EXOC1: variants seen among roughly 807,000 people sequenced by gnomAD.
EXOC1 encodes the protein SEC3-like 1.
EXOC1 carries 67 observed loss-of-function variants against 107.7 expected under a neutral mutation model. That is an observed-to-expected ratio of 0.62 (90% confidence interval 0.51 to 0.76). The LOEUF (loss-of-function observed/expected upper bound fraction) is 0.76, where lower values mean the gene tolerates loss of function less well. Among genes scored for constraint, EXOC1 ranks in the 30% least tolerant of loss-of-function variants. The pLI is 0.00. For synonymous variants in EXOC1, 348 were observed against 353.5 expected (o/e 0.98, Z 0.17); for missense variants, 833 against 1,055.7 (o/e 0.79, Z 2.92).
chr4:55,885,555 A>G (rs533550753), intron 10 of EXOC1: 3 of 152,300 alleles, frequency 2.0e-5, no homozygotes, highest in Non-Finnish European at 4.4e-5. Flanking sequence ...ATAGCAAGGA[A>G]TAGGAGAGTT....
rs771473504 is a variant in EXOC1, at chr4:55,893,590, G to A, written c.1763G>A (p.Arg588His). The A allele has an allele frequency of 5.0e-6, 8 of 1,613,672 alleles. No homozygotes were observed. The highest frequency in any genetic ancestry group is 2.2e-5 in the South Asian group (2 of 91,060). ...CGCCAAATGATGATTAAAATATTTC[G>A]CTGCATTGAGCCAGAGCTGAACAAC... ...MIRQMMIKIF[R>H]CIEPELNNLI... The change falls in exon 15 of 19, where the codon CGC becomes CAC. Residue 588 changes from arginine (R) to histidine (H), a missense_variant. Around this residue, in one of 2 missense-constraint regions of EXOC1, gnomAD observed 617 missense variants for 701.3 expected, o/e 0.88. Coordinates refer to ENST00000381295, the MANE Select transcript of EXOC1 (RefSeq NM_001024924.2).
chr4:55,894,291 C>G (rs535531177), intron 15 of EXOC1, among the ~76,000 whole-genome samples: 1 of 149,592 alleles, frequency 6.7e-6, no homozygotes, highest in East Asian at 2.0e-4. Context: ...CACCAGTGCT[C>G]TCCAGCCTGG....
chr4:55,881,149 C>T (rs1229257732), intron 9 of EXOC1, among the ~76,000 whole-genome samples: 1 of 152,104 alleles, frequency 6.6e-6, no homozygotes, highest in Non-Finnish European at 1.5e-5. Flanking sequence ...TAAGCAAAGC[C>T]CCATTTTTTG....
chr4:55,890,043 C>T (rs1037959793), intron 11 of EXOC1, among the ~76,000 whole-genome samples, 180 bp from the exon 12 acceptor site: 1 of 152,080 alleles, frequency 6.6e-6, no homozygotes, highest in African/African-American at 2.4e-5. Flanking sequence ...AGAATTAGGA[C>T]ACCAATGTTA....
chr4:55,901,816 A>G (rs1283765853), intron 17 of EXOC1, among the ~76,000 whole-genome samples: 1 of 152,158 alleles, frequency 6.6e-6, no homozygotes, highest in Non-Finnish European at 1.5e-5. Flanking sequence ...ATACTGAAGA[A>G]TCTTTCAAAT....
At chr4:55,856,050 A>G (rs898040457) in intron 1 of EXOC1, among the ~76,000 whole-genome samples, 1 of 152,188 alleles carries the variant, frequency 6.6e-6, no homozygotes, top group Non-Finnish European at 1.5e-5. Flanking sequence ...AAGGAGAGTA[A>G]TAAGGATTTA....
At chr4:55,861,268 C>T (rs1044294623) in intron 3 of EXOC1, among the ~76,000 whole-genome samples, 1 of 152,138 alleles carries the variant, frequency 6.6e-6, no homozygotes, top group Non-Finnish European at 1.5e-5. Flanking sequence ...CTCCATAGCA[C>T]AAGAGAATAC....
At chr4:55,873,078 T>C (rs1722589186) in intron 8 of EXOC1, among the ~76,000 whole-genome samples, 1 of 152,142 alleles carries the variant, frequency 6.6e-6, no homozygotes, top group South Asian at 2.1e-4. Flanking sequence ...CATTTAGTAA[T>C]AGTAGTAATA....
intron 10 of EXOC1, among the ~76,000 whole-genome samples, chr4:55,888,294 G>C (rs1724122729): frequency 6.6e-6 from 1 of 152,084 alleles, no homozygotes. Context: ...TTAGTGTTAT[G>C]ATATATATCT....
At position 55,867,230 on chromosome 4, in the gene EXOC1, G is replaced by A. The variant is rs116541780; in HGVS notation, c.416-1106G>A. Among the ~76,000 whole-genome samples, 624 of 152,234 alleles carry A rather than the reference G, an allele frequency of 4.1e-3. 3 individuals are homozygous for A. The highest frequency in any genetic ancestry group is 0.014 in the African/African-American group (575 of 41,546). ...TTTTCGCAGTGAATTAAATGGACTC[G>A]TTGAAAGGACAAGGAGATCGGTAAT... On this transcript the variant is annotated intron_variant, in intron 4 of 18. Coordinates refer to ENST00000381295, the MANE Select transcript of EXOC1 (RefSeq NM_001024924.2).
rs531665398 is a variant in EXOC1 at position 55,885,246 on chromosome 4, G to A, written c.1330+1318G>A. Reference sequence around the variant, plus strand: ...CTCCTTCAGTATATGAAAACTGGAGGTAAGAGAGAAATATTTCTAAAATTA... The same window carrying A: ...CTCCTTCAGTATATGAAAACTGGAGATAAGAGAGAAATATTTCTAAAATTA... On this transcript the variant is annotated intron_variant, in intron 10 of 18. Transcript: ENST00000381295. 2.6e-5 allele frequency among the ~76,000 whole-genome samples: 4 copies of A among 152,146 alleles called. No homozygotes were observed. In the East Asian group the frequency reaches 7.7e-4, roughly 29 times the overall value.
Position 55,902,439 on chromosome 4 carries a change from A to G in EXOC1, c.2433A>G (p.Lys811=). Residue 811 remains lysine (K), a synonymous_variant, in exon 18 of 19, where the codon AAA becomes AAG. Coordinates refer to ENST00000381295, the MANE Select transcript of EXOC1 (RefSeq NM_001024924.2). ...QLAFNKQELR[K]VIKEYPGKEV... ...CATTTAACAAACAAGAACTTCGTAA[A>G]GTCATTAAGGAGTACCCTGGAAAGG... 6.3e-7 allele frequency: 1 copy of G among 1,594,772 alleles called. No individual in the cohort carries two copies. The highest frequency in any genetic ancestry group is 1.1e-5 in the South Asian group (1 of 87,736).
chr4:55,877,341 G>A (rs1162998190), intron 8 of EXOC1: 5 of 985,238 alleles, frequency 5.1e-6, no homozygotes, highest in Non-Finnish European at 6.0e-6. Context: ...AAATAAATCT[G>A]TCTTGGTTTG....
intron 1 of EXOC1, among the ~76,000 whole-genome samples, chr4:55,855,038 G>C (rs1390867969): frequency 1.3e-5 from 2 of 152,224 alleles, no homozygotes; most frequent in African/African-American, 4.8e-5. Flanking sequence ...TTAGGGTTTG[G>C]ATAGGGCGGA....
At chr4:55,856,854 A>G (rs1395791661) in intron 1 of EXOC1, among the ~76,000 whole-genome samples, 9 of 152,182 alleles carry the variant, frequency 5.9e-5, no homozygotes, top group Non-Finnish European at 1.5e-5. Flanking sequence ...ACCCTTTTCA[A>G]TTGTATAATT....
chr4:55,866,501 C>T (rs1224385410), intron 4 of EXOC1, among the ~76,000 whole-genome samples: 1 of 152,018 alleles, frequency 6.6e-6, no homozygotes, highest in Admixed American at 6.6e-5. Flanking sequence ...GCTTTTGGGC[C>T]TTAAGTAACA....
chr4:55,857,476 G>GT (rs1313071333), intron 1 of EXOC1, among the ~76,000 whole-genome samples: 3 of 151,658 alleles, frequency 2.0e-5, no homozygotes, highest in South Asian at 4.2e-4. Flanking sequence ...CCGGCCCTTT[G>GT]TTTTTTTTGC....
intron 18 of EXOC1, among the ~76,000 whole-genome samples, chr4:55,903,406 G>A (rs1272145395): frequency 6.6e-6 from 1 of 152,160 alleles, no homozygotes; most frequent in African/African-American, 2.4e-5. Flanking sequence ...CTGAAAGTCA[G>A]ATGTACTTGA....
At chr4:55,858,942 G>A (rs887214552) in intron 2 of EXOC1, among the ~76,000 whole-genome samples, 2 of 151,978 alleles carry the variant, frequency 1.3e-5, no homozygotes, top group African/African-American at 4.8e-5. Flanking sequence ...TTCCCTTTTG[G>A]TGTCTTAAAA....
Sources: allele counts gnomAD v4.1 joint callset (sites outside exome capture counted in the v4.1 genomes callset), GRCh38; gene constraint gnomAD v4.1.1; regional missense constraint gnomAD v4.1.1; transcripts MANE v1.5; gene names NCBI Gene and HGNC (gene_info 2026-07-23, HGNC 2026-07-21).